The following ROBO2 variants were observed in gnomAD, a reference collection of about 807,000 sequenced individuals.
ROBO2 encodes the protein roundabout homolog 2.
ROBO2 carries 53 observed loss-of-function variants against 160.8 expected under a neutral mutation model. The ratio of observed to expected loss-of-function variants is 0.33; its 90% CI spans 0.26 to 0.41. The LOEUF (loss-of-function observed/expected upper bound fraction) is 0.41. ROBO2 is among the 10% of genes least tolerant of loss of function. ROBO2 has a pLI of 1.00. For synonymous variants in ROBO2, 664 were observed against 611.7 expected, an observed-to-expected ratio of 1.09 and a Z score of -1.26; for missense variants, 1,577 against 1,722.4, an observed-to-expected ratio of 0.92 and a Z score of 1.49.
intron 2 of ROBO2, among the ~76,000 whole-genome samples, chr3:76,370,507 A>G (rs2076050539): frequency 6.6e-6 from 1 of 151,890 alleles, no homozygotes; most frequent in Non-Finnish European, 1.5e-5. Context: ...TTAGTGGATT[A>G]TATTATTAGA....
chr3:76,681,940 G>T (rs1435016303), intron 2 of ROBO2, among the ~76,000 whole-genome samples: 1 of 152,122 alleles, frequency 6.6e-6, no homozygotes, highest in Admixed American at 6.6e-5. Flanking sequence ...GAAGCCATCA[G>T]GCTAGGAGTA....
At chr3:75,992,225 T>G (rs776335563) in intron 2 of ROBO2, among the ~76,000 whole-genome samples, 1 of 152,100 alleles carries the variant, frequency 6.6e-6, no homozygotes, top group Non-Finnish European at 1.5e-5. Context: ...GAAAGGTCTT[T>G]GTGGTAGCCC....
At chr3:76,019,387 A>G (rs2066502179) in intron 2 of ROBO2, among the ~76,000 whole-genome samples, 1 of 151,168 alleles carries the variant, frequency 6.6e-6, no homozygotes, top group African/African-American at 2.4e-5. Context: ...GTATCTGAGA[A>G]TACTGTGTAC....
At chr3:76,156,237 C>T (rs1405388019) in intron 2 of ROBO2, among the ~76,000 whole-genome samples, 2 of 152,004 alleles carry the variant, frequency 1.3e-5, no homozygotes. Flanking sequence ...GAGAACCATA[C>T]ACTGAAAATA....
chr3:77,174,354 A>G (rs1034848236), intron 2 of ROBO2, among the ~76,000 whole-genome samples: 1 of 152,012 alleles, frequency 6.6e-6, no homozygotes, highest in African/African-American at 2.4e-5. Context: ...CAAAAAAAAA[A>G]GAGTTTTCTT....
At chr3:76,590,902 C>T (rs1263401796) in intron 2 of ROBO2, among the ~76,000 whole-genome samples, 1 of 152,106 alleles carries the variant, frequency 6.6e-6, no homozygotes, top group Non-Finnish European at 1.5e-5. Context: ...TTGTTATCAA[C>T]TGCAGTGGCA....
chr3:76,750,717 A>G (rs1017570009), intron 2 of ROBO2, among the ~76,000 whole-genome samples: 96 of 152,248 alleles, frequency 6.3e-4, no homozygotes, highest in African/African-American at 2.2e-3. Flanking sequence ...AGAATAAAAT[A>G]CCTAGGAATC....
intron 2 of ROBO2, among the ~76,000 whole-genome samples, chr3:76,263,789 A>C (rs1418969085): frequency 6.6e-6 from 1 of 152,240 alleles, no homozygotes; most frequent in African/African-American, 2.4e-5. Context: ...TTGCAGCACT[A>C]TTTACAACAG....
intron 2 of ROBO2, among the ~76,000 whole-genome samples, chr3:77,033,082 TG>T (rs1170947663): frequency 2.0e-5 from 3 of 152,216 alleles, no homozygotes; most frequent in Admixed American, 6.5e-5. Flanking sequence ...CCGACTACCT[TG>T]TGAGTAGGCA....
intron 2 of ROBO2, among the ~76,000 whole-genome samples, chr3:76,250,454 C>G (rs1576097331): frequency 1.3e-5 from 2 of 151,984 alleles, no homozygotes; most frequent in African/African-American, 4.8e-5. Flanking sequence ...TCAAATCTAT[C>G]ATATTTTAGG....
At chr3:76,682,484 C>G (rs2092588947) in intron 2 of ROBO2, among the ~76,000 whole-genome samples, 1 of 152,100 alleles carries the variant, frequency 6.6e-6, no homozygotes, top group East Asian at 1.9e-4. Flanking sequence ...TCTCGGTTCA[C>G]TGTGACCTCC....
At chr3:76,493,977 A>G (rs1352998085) in intron 2 of ROBO2, among the ~76,000 whole-genome samples, 1 of 152,212 alleles carries the variant, frequency 6.6e-6, no homozygotes, top group East Asian at 1.9e-4. Context: ...CATAAGATCC[A>G]GCAATTTCAC....
rs913377406 is a variant in ROBO2, at chr3:76,582,771, G to T, written c.110-515243G>T. Among the ~76,000 whole-genome samples the T allele has an allele frequency of 2.6e-5, 4 of 152,048 alleles. No homozygotes were observed. In the East Asian group the frequency reaches 7.7e-4, roughly 29 times the overall value. On this transcript the variant is annotated intron_variant, in intron 2 of 26. Coordinates refer to the ROBO2 transcript ENST00000487694. ...AAGGCAGTAGCAATGGTGGTAGATG[G>T]ATTAACTGGGAGACAGTGTGTTCAT...
chr3:76,442,674 A>C (rs1469182412), intron 2 of ROBO2, among the ~76,000 whole-genome samples: 1 of 152,198 alleles, frequency 6.6e-6, no homozygotes, highest in East Asian at 1.9e-4. Flanking sequence ...TCTGAGTAGC[A>C]TGATGAGATC....
intron 2 of ROBO2, among the ~76,000 whole-genome samples, chr3:76,709,152 A>C (rs1024785627): frequency 2.0e-5 from 3 of 152,228 alleles, no homozygotes; most frequent in African/African-American, 7.2e-5. Context: ...TTGGCATTAA[A>C]CAGTCATTGA....
intron 2 of ROBO2, among the ~76,000 whole-genome samples, chr3:76,515,734 G>A (rs917988340): frequency 6.6e-6 from 1 of 152,038 alleles, no homozygotes; most frequent in Non-Finnish European, 1.5e-5. Context: ...TAATATTGTT[G>A]AACTCTAGAA....
rs572333456 is a variant in ROBO2, at chr3:76,520,248, C to T, written c.110-577766C>T. ...GGCGGATCACCTGAGGTCAGGGGTT[C>T]GATACCAGCCTGGCCAACATGGTGA... On this transcript the variant is annotated intron_variant, in intron 2 of 26. Transcript: ENST00000487694. Among the ~76,000 whole-genome samples the T allele has an allele frequency of 3.9e-5, 6 of 152,136 alleles. 1 individual carries two copies. Among genetic ancestry groups the T allele is most frequent in the East Asian group, 3.9e-4 (2 of 5,166 alleles).
intron 2 of ROBO2, among the ~76,000 whole-genome samples, chr3:76,901,218 T>G (rs1408885842): frequency 6.6e-6 from 1 of 152,058 alleles, no homozygotes; most frequent in African/African-American, 2.4e-5. Context: ...TTATTTTATC[T>G]ATAGAATATA....
intron 2 of ROBO2, among the ~76,000 whole-genome samples, chr3:76,026,916 C>T (rs1274922944): frequency 1.3e-5 from 2 of 151,860 alleles, no homozygotes; most frequent in Admixed American, 6.6e-5. Context: ...TCTCAAGGAC[C>T]TTCCAGGGCT....
Sources: allele counts gnomAD v4.1 joint callset (sites outside exome capture counted in the v4.1 genomes callset), GRCh38; gene constraint gnomAD v4.1.1; transcripts MANE v1.5; gene names NCBI Gene and HGNC (gene_info 2026-07-23, HGNC 2026-07-21).